C10orf90: variants seen among roughly 807,000 people sequenced by gnomAD.
C10orf90 encodes the protein (E2-independent) E3 ubiquitin-conjugating enzyme FATS.
C10orf90 carries 56 observed loss-of-function variants against 62.5 expected under a neutral mutation model. The observed-to-expected ratio is 0.90, with a 90% CI of 0.72 to 1.12. The LOEUF (loss-of-function observed/expected upper bound fraction) is 1.12. C10orf90 is among the 50% of genes most tolerant of loss of function. C10orf90 has a pLI of 0.00. For synonymous variants in C10orf90, 386 were observed against 340.4 expected (o/e 1.13, Z -1.47); for missense variants, 970 against 880.4 (o/e 1.10, Z -1.29).
intron 2 of C10orf90, among the ~76,000 whole-genome samples, chr10:126,619,602 T>C (rs573202110): frequency 5.4e-4 from 83 of 152,316 alleles, no homozygotes; most frequent in Middle Eastern, 3.4e-3. Context: ...TGTTCAAGTG[T>C]TTGGCACTTT....
At chr10:126,649,104 A>G (rs1433788667) in intron 1 of C10orf90, among the ~76,000 whole-genome samples, 3 of 132,172 alleles carry the variant, frequency 2.3e-5, no homozygotes, top group Non-Finnish European at 1.6e-5. Flanking sequence ...ATGGATGGCA[A>G]ATTAACTAAG....
chr10:126,475,480 GC>G (rs1255474650), intron 4 of C10orf90, among the ~76,000 whole-genome samples: 1 of 152,162 alleles, frequency 6.6e-6, no homozygotes, highest in African/African-American at 2.4e-5. Context: ...ACTCACCACA[GC>G]CTCCTGCTCA....
In C10orf90 at chr10:126,456,579, C is replaced by T. The variant is rs1859598763; in HGVS notation, c.2188+2461G>A. On this transcript the variant is annotated intron_variant, in intron 7 of 9. Coordinates refer to ENST00000488181, the MANE Select transcript of C10orf90 (RefSeq NM_001350921.2). The surrounding 1 kb of genome is among the most constrained non-coding windows in gnomAD (Gnocchi z 4.9). ...TATAATGAGTGTAATGATGTCGCCC[C>T]AACAAAAAGATATGTTTAAGTCCTA... 6.6e-6 allele frequency among the ~76,000 whole-genome samples: 1 copy of T among 152,110 alleles called. No homozygotes were observed. The highest frequency in any genetic ancestry group is 1.5e-5 in the Non-Finnish European group (1 of 68,038).
At chr10:126,487,807 T>C (rs78531976) in intron 4 of C10orf90, among the ~76,000 whole-genome samples, 2,360 of 152,190 alleles carry the variant, frequency 0.016, 59 homozygotes, top group African/African-American at 0.053. Context: ...TTGTATAATA[T>C]AAAAGGAAAG....
At chr10:126,662,832 G>A (rs1290178308) in intron 1 of C10orf90, among the ~76,000 whole-genome samples, 1 of 147,602 alleles carries the variant, frequency 6.8e-6, no homozygotes, top group Admixed American at 6.8e-5. Flanking sequence ...CACAATCTGT[G>A]TAGACACCCT....
At chr10:126,614,511 C>T (rs961963622) in intron 2 of C10orf90, among the ~76,000 whole-genome samples, 1 of 152,156 alleles carries the variant, frequency 6.6e-6, no homozygotes, top group African/African-American at 2.4e-5. Flanking sequence ...CAGATGATCT[C>T]TGCCCTTCCC....
At chr10:126,510,309 TG>T (rs1355371953) in intron 3 of C10orf90, among the ~76,000 whole-genome samples, 5 of 152,084 alleles carry the variant, frequency 3.3e-5, no homozygotes, top group Non-Finnish European at 5.9e-5. Flanking sequence ...GGGGATGAGA[TG>T]GGGGGTTATT....
intron 2 of C10orf90, among the ~76,000 whole-genome samples, chr10:126,526,297 T>G (rs935302275): frequency 1.3e-5 from 2 of 150,498 alleles, no homozygotes; most frequent in African/African-American, 4.9e-5. Context: ...CAGGCTGGAG[T>G]GCAGTGGTGC....
intron 6 of C10orf90, 85 bp downstream of exon 6, chr10:126,461,316 T>A: frequency 2.7e-6 from 4 of 1,479,442 alleles, no homozygotes; most frequent in Non-Finnish European, 3.7e-6. Flanking sequence ...GCCTCAGAGG[T>A]GCAAGTGAGG....
intron 7 of C10orf90, among the ~76,000 whole-genome samples, chr10:126,457,180 G>C (rs1859640417): frequency 6.6e-6 from 1 of 152,052 alleles, no homozygotes; most frequent in South Asian, 2.1e-4. Context: ...GTAGAGACAG[G>C]GTTTCTCCAT....
intron 7 of C10orf90, among the ~76,000 whole-genome samples, chr10:126,455,615 G>C (rs989548373): frequency 1.3e-5 from 2 of 152,230 alleles, no homozygotes; most frequent in Non-Finnish European, 2.9e-5. Flanking sequence ...TGGCACCCGG[G>C]TGAGGAGAGA....
At chr10:126,467,388 C>T (rs567275887) in intron 4 of C10orf90, among the ~76,000 whole-genome samples, 2 of 152,344 alleles carry the variant, frequency 1.3e-5, no homozygotes, top group East Asian at 3.9e-4. Context: ...CCTCGCAGGA[C>T]AAGGCGGCAT....
chr10:126,642,355 AC>A (rs1300617590), intron 2 of C10orf90, among the ~76,000 whole-genome samples: 2 of 151,998 alleles, frequency 1.3e-5, no homozygotes, highest in Non-Finnish European at 2.9e-5. Flanking sequence ...ACATGGTGAA[AC>A]CCCGTCTCTA....
intron 4 of C10orf90, among the ~76,000 whole-genome samples, chr10:126,485,334 C>T (rs958785003): frequency 6.6e-6 from 1 of 152,164 alleles, no homozygotes; most frequent in African/African-American, 2.4e-5. Flanking sequence ...GCCATCATGT[C>T]TATGGCACTG....
intron 2 of C10orf90, among the ~76,000 whole-genome samples, chr10:126,547,568 A>G (rs10794087): frequency 0.76 from 114,799 of 150,080 alleles, 44,079 homozygotes; most frequent in Middle Eastern, 0.81. Context: ...CTGAGAGAGA[A>G]ATTAAAGCAG....
intron 7 of C10orf90, among the ~76,000 whole-genome samples, chr10:126,437,083 C>A (rs771165064): frequency 1.3e-5 from 2 of 152,184 alleles, no homozygotes; most frequent in African/African-American, 2.4e-5. Context: ...TGTTTCAATT[C>A]ATCCTTACAG....
chr10:126,593,915 T>C lies in C10orf90; in HGVS notation c.313+52650A>G, dbSNP rs143357215. ...GGATATCGTCTGCCATAATCCTGCA[T>C]GGAGGGGCAGGAAAGACTGAAGATG... On this transcript the variant is annotated intron_variant, in intron 2 of 9. Coordinates refer to ENST00000488181, the MANE Select transcript of C10orf90 (RefSeq NM_001350921.2). 3.9e-3 allele frequency among the ~76,000 whole-genome samples: 592 copies of C among 151,930 alleles called. 4 individuals are homozygous for C. The highest frequency in any genetic ancestry group is 8.7e-3 in the Admixed American group (132 of 15,260).
intron 2 of C10orf90, among the ~76,000 whole-genome samples, chr10:126,552,582 A>G (rs1315641988): frequency 6.6e-6 from 1 of 152,190 alleles, no homozygotes; most frequent in Non-Finnish European, 1.5e-5. Context: ...CTGTCTTATA[A>G]AGGATACTCA....
intron 2 of C10orf90, among the ~76,000 whole-genome samples, chr10:126,554,807 T>C (rs1864721877): frequency 6.6e-6 from 1 of 152,222 alleles, no homozygotes; most frequent in African/African-American, 2.4e-5. Flanking sequence ...CTCCTCCTGC[T>C]GATTATACTT....
Sources: gnomAD v4.1 joint callset for allele counts (sites outside exome capture counted in the v4.1 genomes callset) on GRCh38, gnomAD v4.1.1 for gene constraint, Gnocchi (gnomAD v3.1) non-coding constraint, MANE v1.5 for transcripts, NCBI Gene and HGNC (gene_info 2026-07-23, HGNC 2026-07-21) for gene names.